The following PKHD1L1 variants were observed in gnomAD, a reference collection of about 807,000 sequenced individuals.
PKHD1L1 encodes fibrocystin-L.
A neutral mutation model predicts 462.9 loss-of-function variants in PKHD1L1; 434 were observed. The ratio of observed to expected loss-of-function variants is 0.94; its 90% CI spans 0.87 to 1.02. The LOEUF is 1.02. PKHD1L1 is among the 50% of genes least tolerant of loss of function. The probability of loss-of-function intolerance (pLI) is 0.00; values close to 1 mark genes in which losing one functional copy is unlikely to be tolerated. For synonymous variants in PKHD1L1, 1,781 were observed against 1,750.0 expected (o/e 1.02, Z -0.44); for missense variants, 5,202 against 5,096.1 (o/e 1.02, Z -0.63).
chr8:109,397,513 A>G (rs1813040087), intron 11 of PKHD1L1, among the ~76,000 whole-genome samples: 1 of 150,322 alleles, frequency 6.7e-6, no homozygotes, highest in Non-Finnish European at 1.5e-5. Context: ...TGTCTCTACA[A>G]AAAAAGAAAG....
chr8:109,428,072 G>C (rs992138485), intron 25 of PKHD1L1, among the ~76,000 whole-genome samples: 1 of 146,686 alleles, frequency 6.8e-6, no homozygotes, highest in Non-Finnish European at 1.5e-5. Context: ...GTGATGATGA[G>C]AGTGCAAGGA....
chr8:109,477,461 C>A, intron 53 of PKHD1L1, 65 bp downstream of exon 53: 1 of 1,379,282 alleles, frequency 7.3e-7, no homozygotes, highest in Non-Finnish European at 9.9e-7. Context: ...TCACATGTCA[C>A]TCCTGGGTGA....
intron 21 of PKHD1L1, among the ~76,000 whole-genome samples, chr8:109,413,754 T>A (rs1021269641): frequency 6.6e-6 from 1 of 152,094 alleles, no homozygotes; most frequent in African/African-American, 2.4e-5. Context: ...ATCTCTAGAT[T>A]ATGAAAATGA....
At chr8:109,386,789 T>A (rs1812464383) in intron 6 of PKHD1L1, among the ~76,000 whole-genome samples, 1 of 152,140 alleles carries the variant, frequency 6.6e-6, no homozygotes, top group Admixed American at 6.6e-5. Flanking sequence ...TCCGTTCCCA[T>A]AATGAAGCCA....
chr8:109,480,565 A>G (rs1458469183), intron 55 of PKHD1L1: 1 of 455,216 alleles, frequency 2.2e-6, no homozygotes, highest in East Asian at 6.9e-5. Context: ...AAGAGAAAAT[A>G]AATCAAAATG....
At chr8:109,406,959 T>G (rs981285814) in intron 17 of PKHD1L1, among the ~76,000 whole-genome samples, 6 of 152,078 alleles carry the variant, frequency 3.9e-5, no homozygotes, top group African/African-American at 9.7e-5. Context: ...AAAAATCAAT[T>G]TACCTGTGTT....
In PKHD1L1 at chr8:109,416,774, A is replaced by G. The variant is rs115296397; in HGVS notation, c.2361-2323A>G. On this transcript the variant is annotated intron_variant, in intron 21 of 77. Transcript: ENST00000378402. ...GGCAAGGAGCATGAAAAGTCCATAA[A>G]CAGAATGATTATATACCACTGCTTC... Among the ~76,000 whole-genome samples the G allele has an allele frequency of 2.8e-3, 431 of 152,246 alleles. 2 individuals are homozygous for G. The highest frequency in any genetic ancestry group is 9.9e-3 in the African/African-American group (411 of 41,562).
intron 50 of PKHD1L1, among the ~76,000 whole-genome samples, chr8:109,471,611 C>A (rs764332700): frequency 1.3e-5 from 2 of 152,130 alleles, no homozygotes; most frequent in Admixed American, 1.3e-4. Flanking sequence ...GTGTTATCTA[C>A]CTCACGGTAA....
At chr8:109,454,976 T>A in intron 45 of PKHD1L1, 124 bp downstream of exon 45, 1 of 1,230,650 alleles carries the variant, frequency 8.1e-7, no homozygotes, top group Non-Finnish European at 1.1e-6. Context: ...GCTTCTCATG[T>A]CTTTAGATAT....
intron 27 of PKHD1L1, among the ~76,000 whole-genome samples, chr8:109,432,784 G>C (rs527796136): frequency 6.6e-6 from 1 of 152,296 alleles, no homozygotes; most frequent in African/African-American, 2.4e-5. Flanking sequence ...TTACCATATA[G>C]AGATGTCTAC....
chr8:109,419,146 A>G lies in PKHD1L1; in HGVS notation c.2410A>G (p.Thr804Ala). Residue 804 changes from threonine (T) to alanine (A), a missense_variant, in exon 22 of 78, where the codon ACT (threonine) becomes GCT (alanine). By Grantham distance (58) the Thr-to-Ala change is moderately conservative. This residue lies in a region of PKHD1L1 where 4,497 missense variants were observed against 4,336.8 expected (regional missense o/e 1.04). Coordinates refer to ENST00000378402, the MANE Select transcript of PKHD1L1 (RefSeq NM_177531.6). ...DLLDLVRTKY[T>A]GTNVSLQRIS... ...TCTGGATCTCGTAAGAACGAAATAC[A>G]CTGGGACAAATGTTTCTCTTCAGAG... 2 of 1,613,712 alleles carry G rather than the reference A, an allele frequency of 1.2e-6. No homozygotes were observed. Among genetic ancestry groups the G allele is most frequent in the Non-Finnish European group, 1.7e-6 (2 of 1,179,666 alleles).
In PKHD1L1 at chr8:109,501,286, TGGTG is replaced by T. The variant is rs1819398108; in HGVS notation, c.10828+2516_10828+2519del. 2.0e-5 allele frequency among the ~76,000 whole-genome samples: 3 copies of T among 152,198 alleles called. No homozygotes were observed. In the South Asian group the frequency reaches 6.2e-4, roughly 32 times the overall value. Reference sequence around the variant, plus strand: ...TTGTATGATTGGAGCAATTCTTCCATGGTGATTCCATTGTCTTATGCTCACCCCT... The same window carrying T: ...TTGTATGATTGGAGCAATTCTTCCATATTCCATTGTCTTATGCTCACCCCT... On this transcript the variant is annotated intron_variant, in intron 67 of 77. Transcript: ENST00000378402.
At position 109,382,430 on chromosome 8, in the gene PKHD1L1, G is replaced by T. The variant is rs774716394; in HGVS notation, c.309-33G>T. The T allele has an allele frequency of 7.8e-6, 12 of 1,528,824 alleles. No homozygotes were observed. In the South Asian group the frequency reaches 8.4e-5, roughly 11 times the overall value. The allele number at this position is 1,528,824 out of a possible 1,614,324, so 94.7% of individuals were successfully genotyped here. A position where few individuals can be genotyped will look rare whatever the true frequency, so the allele number is the denominator to read the frequency against. On this transcript the variant is annotated intron_variant, in intron 3 of 77. Transcript: ENST00000378402. ...CTATACACTAAATAAGAGAGGAATT[G>T]CATGTCTCATATATTCTTCATTTTC...
chr8:109,492,462 A>C (rs950997540), intron 62 of PKHD1L1, among the ~76,000 whole-genome samples: 2 of 151,902 alleles, frequency 1.3e-5, no homozygotes, highest in African/African-American at 4.8e-5. Context: ...ATTACAAACA[A>C]GAAAAGAGAA....
chr8:109,457,795 T>C (rs186787873), intron 46 of PKHD1L1, among the ~76,000 whole-genome samples: 42 of 152,310 alleles, frequency 2.8e-4, no homozygotes, highest in Admixed American at 1.4e-3. Context: ...ATACAACATA[T>C]GAAAATGCTT....
At chr8:109,406,826 T>C (rs1813576731) in intron 17 of PKHD1L1, among the ~76,000 whole-genome samples, 1 of 152,084 alleles carries the variant, frequency 6.6e-6, no homozygotes, top group African/African-American at 2.4e-5. Flanking sequence ...TGAAAGGATT[T>C]TGAGGTCAAA....
At chr8:109,388,601 A>G in intron 7 of PKHD1L1, 51 bp downstream of exon 7, 3 of 1,265,510 alleles carry the variant, frequency 2.4e-6, no homozygotes, top group Non-Finnish European at 3.3e-6. Flanking sequence ...AGATATAAGC[A>G]TACTAAATTT....
At chr8:109,436,708 G>A (rs934126473) in intron 30 of PKHD1L1, among the ~76,000 whole-genome samples, 1 of 152,144 alleles carries the variant, frequency 6.6e-6, no homozygotes, top group Non-Finnish European at 1.5e-5. Context: ...ATTAAACAAT[G>A]TATTTCATTT....
chr8:109,442,909 G>A (rs747223664), intron 35 of PKHD1L1, 37 bp from the exon 36 acceptor site: 1 of 1,580,534 alleles, frequency 6.3e-7, no homozygotes, highest in East Asian at 2.2e-5. Context: ...TGCATTAATT[G>A]CTTATATTTA....
Sources: allele counts gnomAD v4.1 joint callset (sites outside exome capture counted in the v4.1 genomes callset), GRCh38; gene constraint gnomAD v4.1.1; regional missense constraint gnomAD v4.1.1; transcripts MANE v1.5; gene names NCBI Gene and HGNC (gene_info 2026-07-23, HGNC 2026-07-21).